The following TTC7B variants were observed in gnomAD, a reference collection of about 807,000 sequenced individuals.
TTC7B encodes the protein tetratricopeptide repeat domain 7B.
In TTC7B, 28 loss-of-function variants were observed where a neutral mutation model predicts 106.8. That is an observed-to-expected ratio of 0.26 (90% CI 0.19 to 0.36). The LOEUF (loss-of-function observed/expected upper bound fraction) is 0.36, where lower values mean the gene tolerates loss of function less well. TTC7B is among the 10% of genes least tolerant of loss of function. The pLI, the probability that TTC7B is intolerant of heterozygous loss-of-function variation, is 1.00. For missense variants in TTC7B, 862 were observed against 1,076.4 expected, an observed-to-expected ratio of 0.80 and a Z score of 2.79; for synonymous variants, 405 against 430.6, an observed-to-expected ratio of 0.94 and a Z score of 0.74.
chr14:90,583,232 T>C (rs1051755669), intron 18 of TTC7B, among the ~76,000 whole-genome samples: 22 of 152,220 alleles, frequency 1.4e-4, no homozygotes, highest in African/African-American at 3.1e-4. Context: ...TATGGCTTTC[T>C]CGCTAAACTG....
intron 15 of TTC7B, among the ~76,000 whole-genome samples, chr14:90,630,347 C>T (rs1282720243): frequency 6.6e-6 from 1 of 152,148 alleles, no homozygotes; most frequent in Non-Finnish European, 1.5e-5. Context: ...CCCAGAAGAA[C>T]ATTGGCTCCG....
At chr14:90,723,915 T>A (rs1888990082) in intron 5 of TTC7B, among the ~76,000 whole-genome samples, 1 of 152,192 alleles carries the variant, frequency 6.6e-6, no homozygotes, top group South Asian at 2.1e-4. Context: ...ACTCGTTGAA[T>A]AACTGACCAA....
intron 4 of TTC7B, among the ~76,000 whole-genome samples, chr14:90,735,143 C>T (rs1889469300): frequency 6.6e-6 from 1 of 152,160 alleles, no homozygotes; most frequent in African/African-American, 2.4e-5. Flanking sequence ...ACATGGAAGG[C>T]ACTCAATACA....
At chr14:90,606,567 A>C (rs1892647757) in intron 17 of TTC7B, among the ~76,000 whole-genome samples, 1 of 152,240 alleles carries the variant, frequency 6.6e-6, no homozygotes, top group African/African-American at 2.4e-5. Flanking sequence ...ATTCCAAAGA[A>C]AAGACAATGA....
intron 5 of TTC7B, among the ~76,000 whole-genome samples, chr14:90,700,130 A>G (rs1445287411): frequency 2.6e-5 from 4 of 152,148 alleles, no homozygotes; most frequent in Non-Finnish European, 5.9e-5. Context: ...AGAACAGCCT[A>G]GTATGCCCTC....
intron 6 of TTC7B, among the ~76,000 whole-genome samples, chr14:90,693,425 A>G (rs1329627827): frequency 6.6e-6 from 1 of 152,190 alleles, no homozygotes; most frequent in Non-Finnish European, 1.5e-5. Context: ...TATAGTCAAT[A>G]TAATTAGCCA....
intron 18 of TTC7B, among the ~76,000 whole-genome samples, chr14:90,581,622 AT>A (rs1891493155): frequency 6.6e-6 from 1 of 152,050 alleles, no homozygotes; most frequent in South Asian, 2.1e-4. Flanking sequence ...AGTCCTGGAG[AT>A]GCTGTGGGCT....
At chr14:90,616,974 T>C (rs1375455976) in intron 16 of TTC7B, among the ~76,000 whole-genome samples, 1 of 152,194 alleles carries the variant, frequency 6.6e-6, no homozygotes, top group African/African-American at 2.4e-5. Flanking sequence ...ACATCCCTTC[T>C]CATTAAATGA....
At position 90,577,530 on chromosome 14, in the gene TTC7B, C is replaced by T. The variant is rs1219866850; in HGVS notation, c.2310+576G>A. The stretch of plus-strand genomic sequence containing the variant: ...GATGTGCACTCGTTGAGCGCCGCCA[C>T]ACCCCTGTGCAGTGTGGACACTAGG... On this transcript the variant is annotated intron_variant, in intron 19 of 19. Coordinates refer to ENST00000328459, the MANE Select transcript of TTC7B (RefSeq NM_001010854.2). The surrounding 1 kb of genome is among the most constrained non-coding windows in gnomAD (Gnocchi z 5.0). Among the ~76,000 whole-genome samples the T allele has an allele frequency of 3.3e-5, 5 of 152,212 alleles. No individual in the cohort carries two copies. Among genetic ancestry groups the T allele is most frequent in the African/African-American group, 1.2e-4 (5 of 41,452 alleles).
chr14:90,595,419 T>G (rs1892163180), intron 17 of TTC7B, among the ~76,000 whole-genome samples: 1 of 152,224 alleles, frequency 6.6e-6, no homozygotes, highest in Non-Finnish European at 1.5e-5. Flanking sequence ...AGAAGTGTGC[T>G]AAGAATCTAT....
chr14:90,660,731 AAGAATTCT>A (rs1365530312), intron 9 of TTC7B, among the ~76,000 whole-genome samples: 1 of 152,162 alleles, frequency 6.6e-6, no homozygotes, highest in African/African-American at 2.4e-5. Context: ...GAGGAGAGAA[AAGAATTCT>A]AGAATTTTAA....
At chr14:90,542,935 G>A (rs1889670393) in intron 19 of TTC7B, among the ~76,000 whole-genome samples, 1 of 152,180 alleles carries the variant, frequency 6.6e-6, no homozygotes, top group Admixed American at 6.5e-5. Flanking sequence ...TATCCCCAAA[G>A]GTTGCCTCAC....
chr14:90,613,777 G>T (rs1227770784), intron 16 of TTC7B, among the ~76,000 whole-genome samples: 1 of 152,224 alleles, frequency 6.6e-6, no homozygotes, highest in Non-Finnish European at 1.5e-5. Flanking sequence ...AACCATTCCT[G>T]GTGAGTGTTG....
intron 7 of TTC7B, among the ~76,000 whole-genome samples, chr14:90,685,042 T>G (rs1405100983): frequency 6.6e-6 from 1 of 152,160 alleles, no homozygotes; most frequent in Non-Finnish European, 1.5e-5. Context: ...ATGGGCAGAG[T>G]GAGCATCCTG....
intron 4 of TTC7B, among the ~76,000 whole-genome samples, chr14:90,740,431 G>T (rs1401070031): frequency 1.4e-5 from 2 of 147,810 alleles, no homozygotes; most frequent in Non-Finnish European, 3.0e-5. Context: ...TTCAGCACAA[G>T]AAAGGGAAAA....
intron 5 of TTC7B, among the ~76,000 whole-genome samples, chr14:90,718,281 C>G (rs966649738): frequency 6.6e-6 from 1 of 152,220 alleles, no homozygotes; most frequent in Non-Finnish European, 1.5e-5. Context: ...GTTAGGCACC[C>G]TCCTCGGAAG....
intron 6 of TTC7B, among the ~76,000 whole-genome samples, chr14:90,694,160 G>T (rs560237664): frequency 6.6e-6 from 1 of 152,146 alleles, no homozygotes; most frequent in Non-Finnish European, 1.5e-5. Context: ...CCAGCTACTC[G>T]GAGGCTGGGG....
intron 3 of TTC7B, among the ~76,000 whole-genome samples, chr14:90,774,704 C>A (rs569916051): frequency 6.6e-6 from 1 of 152,314 alleles, no homozygotes; most frequent in East Asian, 1.9e-4. Flanking sequence ...TTCCCTAAGC[C>A]GCACTCCAGG....
At chr14:90,707,703 C>T (rs1215767490) in intron 5 of TTC7B, among the ~76,000 whole-genome samples, 2 of 152,188 alleles carry the variant, frequency 1.3e-5, no homozygotes, top group East Asian at 1.9e-4. Context: ...CCTCAACATT[C>T]CCTTAAACCA....
Sources: allele counts gnomAD v4.1 joint callset (sites outside exome capture counted in the v4.1 genomes callset), GRCh38; gene constraint gnomAD v4.1.1; non-coding constraint Gnocchi (gnomAD v3.1); transcripts MANE v1.5; gene names NCBI Gene and HGNC (gene_info 2026-07-23, HGNC 2026-07-21).